The following VPS37B variants were observed in gnomAD, a reference collection of about 807,000 sequenced individuals.
The protein encoded by VPS37B is vacuolar protein sorting-associated protein 37B.
VPS37B carries 11 observed loss-of-function variants against 21.2 expected under a neutral mutation model. That is an observed-to-expected ratio of 0.52 (90% CI 0.33 to 0.86). VPS37B has a LOEUF of 0.86. VPS37B is among the 40% of genes least tolerant of loss of function. The pLI is 0.03. For missense variants in VPS37B, 389 were observed against 374.8 expected (o/e 1.04, Z -0.31); for synonymous variants, 175 against 159.6 (o/e 1.10, Z -0.73).
intron 1 of VPS37B, chr12:122,871,278 CT>C: frequency 7.5e-7 from 1 of 1,325,096 alleles, no homozygotes; most frequent in Non-Finnish European, 9.6e-7. Flanking sequence ...GGCCGACTTC[CT>C]TCCAGCACGT....
chr12:122,887,523 C>T (rs1206673096), intron 1 of VPS37B: 2 of 152,340 alleles, frequency 1.3e-5, no homozygotes, highest in African/African-American at 4.8e-5. Flanking sequence ...TCCCATATGC[C>T]TGGGAGCCCT....
At chr12:122,875,709 C>A (rs1333685826) in intron 1 of VPS37B, 1 of 152,284 alleles carries the variant, frequency 6.6e-6, no homozygotes, top group Non-Finnish European at 1.5e-5. Context: ...CTCAGCAAGG[C>A]CCAGATGGCA....
chr12:122,892,788 C>T (rs1294798177), intron 1 of VPS37B, among the ~76,000 whole-genome samples: 3 of 152,136 alleles, frequency 2.0e-5, no homozygotes, highest in Non-Finnish European at 2.9e-5. Context: ...CAGCGGGGTG[C>T]GGTGGCTCAC....
intron 2 of VPS37B, 107 bp downstream of exon 2, chr12:122,870,783 T>A: frequency 8.0e-7 from 1 of 1,254,988 alleles, no homozygotes; most frequent in Non-Finnish European, 1.1e-6. Flanking sequence ...AGTCGCTATC[T>A]TAACCTGAAA....
At position 122,866,773 on chromosome 12, in the gene VPS37B, A is replaced by G; in HGVS notation, c.*343T>C. 3.9e-6 allele frequency: 1 copy of G among 253,434 alleles called. No individual in the cohort carries two copies. The highest frequency in any genetic ancestry group is 7.7e-5 in the East Asian group (1 of 13,068). 15.7% of individuals were successfully genotyped at this position (253,434 alleles called of 1,614,324 possible). On this transcript the variant is annotated 3_prime_UTR_variant, in exon 4 of 4. Coordinates refer to ENST00000267202, the MANE Select transcript of VPS37B (RefSeq NM_024667.3). ...GTATCATGAACCATGCTCATTAAAT[A>G]AAGCTGCAACAGAAGGACCACGATT...
At chr12:122,884,631 G>GT (rs1190391752) in intron 1 of VPS37B, 1 of 151,848 alleles carries the variant, frequency 6.6e-6, no homozygotes, top group African/African-American at 2.4e-5. Context: ...ACCATGAGGG[G>GT]TGTCAGTTAA....
intron 1 of VPS37B, chr12:122,878,465 GTGGTGTGCTGAA>G (rs2034193862): frequency 6.6e-6 from 1 of 152,158 alleles, no homozygotes; most frequent in Non-Finnish European, 1.5e-5. Flanking sequence ...CAGGATGCTT[GTGGTGTGCTGAA>G]TGGTGTGCCC....
At chr12:122,880,161 A>C (rs1352064450) in intron 1 of VPS37B, 1 of 152,222 alleles carries the variant, frequency 6.6e-6, no homozygotes, top group African/African-American at 2.4e-5. Flanking sequence ...GTCATTGTGA[A>C]AATCCTGCTA....
In VPS37B at chr12:122,868,989, G is replaced by A. The variant is rs2033966036; in HGVS notation, c.284-427C>T. Among the ~76,000 whole-genome samples, 1 of 152,164 alleles carries A rather than the reference G, an allele frequency of 6.6e-6. No homozygotes were observed. The highest frequency in any genetic ancestry group is 2.1e-4 in the South Asian group (1 of 4,818). On this transcript the variant is annotated intron_variant, in intron 2 of 3. Coordinates refer to ENST00000267202, the MANE Select transcript of VPS37B (RefSeq NM_024667.3). This position sits in a 1 kb window ranked among gnomAD's most constrained non-coding sequence, Gnocchi z 5.5. ...CACCCGCCAGATAACCCCTACGCTG[G>A]CCTCCACCACCACAGAGGAGGTCCG...
intron 1 of VPS37B, chr12:122,872,466 G>A (rs565705762): frequency 8.1e-6 from 8 of 985,280 alleles, no homozygotes; most frequent in East Asian, 2.3e-4. Flanking sequence ...GAGTGTCCTC[G>A]AAATGTGGGT....
chr12:122,890,635 TTTCTTA>T (rs2034399316), intron 1 of VPS37B, among the ~76,000 whole-genome samples: 1 of 152,124 alleles, frequency 6.6e-6, no homozygotes, highest in Non-Finnish European at 1.5e-5. Context: ...GCCTGGCCTT[TTTCTTA>T]TTCTCTTTTT....
Position 122,866,200 on chromosome 12 carries a change from G to T in VPS37B, c.*916C>A, listed in dbSNP as rs182307500. Reference sequence around the variant, plus strand: ...GCTAAGGCACAGCACGGACACCCGAGGGGGGGGCACCGTGCACTGCTTGCA... The same window carrying T: ...GCTAAGGCACAGCACGGACACCCGATGGGGGGGCACCGTGCACTGCTTGCA... On this transcript the variant is annotated 3_prime_UTR_variant, in exon 4 of 4. Transcript: ENST00000267202. The T allele has an allele frequency of 6.6e-6, 1 of 151,640 alleles. No homozygotes were observed. Among genetic ancestry groups the T allele is most frequent in the African/African-American group, 2.4e-5 (1 of 41,284 alleles). 9.4% of individuals were successfully genotyped at this position (151,640 alleles called of 1,614,324 possible).
In VPS37B at chr12:122,882,833, A is replaced by G. The variant is rs551113192; in HGVS notation, c.112-11772T>C. On this transcript the variant is annotated intron_variant, in intron 1 of 3. Coordinates refer to ENST00000267202, the MANE Select transcript of VPS37B (RefSeq NM_024667.3). ...ACTAATTTCACCAGTCTCCACCTGAATTCAGGTCTTCAGGTGAAGCCTGTA... is the reference window on the plus strand; with the variant it reads ...ACTAATTTCACCAGTCTCCACCTGAGTTCAGGTCTTCAGGTGAAGCCTGTA... The G allele has an allele frequency of 2.0e-5, 3 of 152,368 alleles. No individual in the cohort carries two copies. In the South Asian group the frequency reaches 6.2e-4, roughly 32 times the overall value. 9.4% of individuals were successfully genotyped at this position (152,368 alleles called of 1,614,324 possible).
chr12:122,881,235 T>G (rs2034242528), intron 1 of VPS37B: 1 of 152,184 alleles, frequency 6.6e-6, no homozygotes, highest in Non-Finnish European at 1.5e-5. Flanking sequence ...TTGTCCTCAT[T>G]TTACTCAAGA....
At chr12:122,881,922 A>G (rs1169913645) in intron 1 of VPS37B, 1 of 152,228 alleles carries the variant, frequency 6.6e-6, no homozygotes, top group Non-Finnish European at 1.5e-5. Flanking sequence ...GCCAATCTTC[A>G]TCTATATTCC....
At chr12:122,893,823 CAAAAA>C (rs67994180) in intron 1 of VPS37B, among the ~76,000 whole-genome samples, 52,004 of 135,002 alleles carry the variant, frequency 0.39, 10,807 homozygotes, top group African/African-American at 0.59. Flanking sequence ...CACTTTTACT[CAAAAA>C]AAAAAAAAAA....
At chr12:122,884,146 G>GT (rs909651378) in intron 1 of VPS37B, 5 of 152,222 alleles carry the variant, frequency 3.3e-5, no homozygotes, top group Non-Finnish European at 5.9e-5. Context: ...TAACTGAGCA[G>GT]TTTGGTTAAA....
intron 1 of VPS37B, chr12:122,883,037 C>T (rs571364812): frequency 2.0e-5 from 3 of 152,286 alleles, no homozygotes; most frequent in Non-Finnish European, 4.4e-5. Flanking sequence ...CATTATGAAA[C>T]AGTCCTAAAA....
chr12:122,872,875 C>G (rs1383351063), intron 1 of VPS37B: 1 of 214,146 alleles, frequency 4.7e-6, no homozygotes, highest in Non-Finnish European at 8.0e-6. Flanking sequence ...CTGGACGCAG[C>G]CCAGGTGTCT....
Sources: allele counts gnomAD v4.1 joint callset (sites outside exome capture counted in the v4.1 genomes callset), GRCh38; gene constraint gnomAD v4.1.1; non-coding constraint Gnocchi (gnomAD v3.1); transcripts MANE v1.5; gene names NCBI Gene and HGNC (gene_info 2026-07-23, HGNC 2026-07-21).